The following EEIG2 variants were observed in gnomAD, a reference collection of about 807,000 sequenced individuals.
EEIG2 encodes family with sequence similarity 102 member B.
the EEIG2 span, among the ~76,000 whole-genome samples, chr1:108,601,766 A>G: frequency 1.3e-5 from 2 of 152,340 alleles, no homozygotes; most frequent in South Asian, 2.1e-4. Flanking sequence ...AATGTGCTCA[A>G]TCTGACACAA....
chr1:108,631,559 G>A, the EEIG2 span, among the ~76,000 whole-genome samples: 2 of 152,138 alleles, frequency 1.3e-5, no homozygotes, highest in African/African-American at 2.4e-5. Context: ...AAAAATAAGT[G>A]GGGGGCTTAT....
the EEIG2 span, among the ~76,000 whole-genome samples, chr1:108,598,701 C>A: frequency 6.6e-6 from 1 of 152,194 alleles, no homozygotes; most frequent in East Asian, 1.9e-4. Flanking sequence ...GCCCTCCTCT[C>A]CCATTTGTGT....
At chr1:108,620,519 G>T in the EEIG2 span, among the ~76,000 whole-genome samples, 1 of 152,182 alleles carries the variant, frequency 6.6e-6, no homozygotes, top group Non-Finnish European at 1.5e-5. Context: ...GAGAGAAAGT[G>T]TATACTCTGC....
chr1:108,635,298 G>A, the EEIG2 span: 45 of 949,524 alleles, frequency 4.7e-5, 1 homozygote, highest in African/African-American at 1.6e-4. Context: ...AGGACCCACC[G>A]CCATCCTGTA....
At chr1:108,567,334 A>T in the EEIG2 span, among the ~76,000 whole-genome samples, 2 of 152,144 alleles carry the variant, frequency 1.3e-5, no homozygotes, top group African/African-American at 4.8e-5. Context: ...CCCGTGAGGA[A>T]GGTGCTATTA....
At chr1:108,587,036 C>G in the EEIG2 span, among the ~76,000 whole-genome samples, 1 of 152,060 alleles carries the variant, frequency 6.6e-6, no homozygotes, top group African/African-American at 2.4e-5. Flanking sequence ...TTCATTTCTT[C>G]AAGTGTTTTA....
At chr1:108,603,600 C>T in the EEIG2 span, among the ~76,000 whole-genome samples, 5,363 of 152,174 alleles carry the variant, frequency 0.035, 123 homozygotes, top group Middle Eastern at 0.088. Flanking sequence ...GTTTTCATAC[C>T]CAGTTATCAA....
chr1:108,565,473 C>A, the EEIG2 span, among the ~76,000 whole-genome samples: 2 of 152,196 alleles, frequency 1.3e-5, no homozygotes, highest in Non-Finnish European at 2.9e-5. Flanking sequence ...CACCGTACTT[C>A]CTTTGCAAAA....
the EEIG2 span, among the ~76,000 whole-genome samples, chr1:108,574,119 A>G: frequency 6.6e-6 from 1 of 152,246 alleles, no homozygotes; most frequent in Non-Finnish European, 1.5e-5. Flanking sequence ...CTAAGTGTCC[A>G]TCACAGGATG....
chr1:108,596,122 T>A, the EEIG2 span, among the ~76,000 whole-genome samples: 1 of 151,744 alleles, frequency 6.6e-6, no homozygotes, highest in African/African-American at 2.4e-5. Context: ...AGGACTTTGC[T>A]TTTTAAGATA....
the EEIG2 span, among the ~76,000 whole-genome samples, chr1:108,614,569 C>T: frequency 4.9e-4 from 74 of 152,152 alleles, no homozygotes; most frequent in Non-Finnish European, 9.1e-4. Context: ...CCATCATAGA[C>T]TTTACCTGCC....
At chr1:108,612,131 G>T in the EEIG2 span, 1 of 1,310,990 alleles carries the variant, frequency 7.6e-7, no homozygotes, top group South Asian at 1.3e-5. Context: ...GCATATGATA[G>T]AAGCCTACTA....
chr1:108,563,840 A>G, the EEIG2 span, among the ~76,000 whole-genome samples: 1 of 152,230 alleles, frequency 6.6e-6, no homozygotes, highest in Non-Finnish European at 1.5e-5. Context: ...TTAGTGCCCA[A>G]TCAATGGATC....
the EEIG2 span, among the ~76,000 whole-genome samples, chr1:108,582,766 T>C: frequency 9.2e-5 from 14 of 152,260 alleles, no homozygotes; most frequent in African/African-American, 3.4e-4. Context: ...AATGTCCTGC[T>C]TTGGGGTAGG....
the EEIG2 span, among the ~76,000 whole-genome samples, chr1:108,565,338 T>G: frequency 6.0e-3 from 919 of 152,364 alleles, 12 homozygotes; most frequent in African/African-American, 0.021. Context: ...GACTATGTCG[T>G]ATAGCCTGTT....
chr1:108,633,167 A>G, the EEIG2 span, among the ~76,000 whole-genome samples: 1 of 152,154 alleles, frequency 6.6e-6, no homozygotes, highest in Non-Finnish European at 1.5e-5. Flanking sequence ...TAGCTCTTCC[A>G]CTATTGATTG....
chr1:108,595,239 CAAAAG>C, the EEIG2 span, among the ~76,000 whole-genome samples: 2 of 128,112 alleles, frequency 1.6e-5, no homozygotes, highest in African/African-American at 5.8e-5. Flanking sequence ...GACCCCATCT[CAAAAG>C]AAAGGAATTA....
At chr1:108,596,429 T>C in the EEIG2 span, among the ~76,000 whole-genome samples, 150,347 of 152,244 alleles carry the variant, frequency 0.99, 74,271 homozygotes, top group East Asian at 1. Flanking sequence ...CTTCCCTCCC[T>C]TCCTGCCCTC....
the EEIG2 span, among the ~76,000 whole-genome samples, chr1:108,604,224 G>A: frequency 6.6e-6 from 1 of 152,148 alleles, no homozygotes; most frequent in Non-Finnish European, 1.5e-5. Flanking sequence ...AGATCAGGCC[G>A]GGCCTTATGA....
Sources: allele counts gnomAD v4.1 joint callset (sites outside exome capture counted in the v4.1 genomes callset), GRCh38; gene constraint gnomAD v4.1.1; transcripts MANE v1.5; gene names NCBI Gene and HGNC (gene_info 2026-07-23, HGNC 2026-07-21).